Variants in FBXO30 observed in about 807,000 individuals in gnomAD.
FBXO30 encodes the protein F-box only protein 30.
Under a neutral mutation model 58.1 loss-of-function variants are expected in FBXO30, and 21 were observed. The ratio of observed to expected loss-of-function variants is 0.36; its 90% confidence interval spans 0.26 to 0.52. FBXO30 has a LOEUF of 0.52. FBXO30 is among the 20% of genes least tolerant of loss of function. The pLI is 0.93. For synonymous variants in FBXO30, 309 were observed against 312.4 expected, an observed-to-expected ratio of 0.99 and a Z score of 0.11; for missense variants, 744 against 897.3, an observed-to-expected ratio of 0.83 and a Z score of 2.18.
chr6:145,800,671 C>A (rs1364110458), intron 2 of FBXO30, among the ~76,000 whole-genome samples: 2 of 152,042 alleles, frequency 1.3e-5, no homozygotes, highest in East Asian at 3.9e-4. Flanking sequence ...TCATACTCTC[C>A]AATTGGCTAT....
At chr6:145,807,464 T>A (rs1310521358) in intron 1 of FBXO30, among the ~76,000 whole-genome samples, 1 of 152,150 alleles carries the variant, frequency 6.6e-6, no homozygotes, top group Non-Finnish European at 1.5e-5. Flanking sequence ...TATTGTTGGA[T>A]CACAGGGGAA....
At chr6:145,814,271 TACAAAG>T (rs1257193831) in intron 1 of FBXO30, among the ~76,000 whole-genome samples, 1 of 152,090 alleles carries the variant, frequency 6.6e-6, no homozygotes, top group Non-Finnish European at 1.5e-5. Context: ...CCCTTCCCAA[TACAAAG>T]ACACACAAAC....
At chr6:145,808,092 C>T (rs191273892) in intron 1 of FBXO30, among the ~76,000 whole-genome samples, 2 of 152,134 alleles carry the variant, frequency 1.3e-5, no homozygotes, top group East Asian at 3.9e-4. Flanking sequence ...TGACTGTGCA[C>T]CCCTGCATTC....
intron 2 of FBXO30, among the ~76,000 whole-genome samples, chr6:145,802,489 C>G (rs1342035444): frequency 1.2e-4 from 18 of 152,000 alleles, no homozygotes; most frequent in Admixed American, 7.2e-4. Flanking sequence ...GAAAAAACAT[C>G]AGGGAACTGT....
Position 145,805,693 on chromosome 6 carries a change from T to C in FBXO30, c.713A>G (p.His238Arg). 4 of 1,614,120 alleles carry C rather than the reference T, an allele frequency of 2.5e-6. No homozygotes were observed. Among genetic ancestry groups the C allele is most frequent in the Non-Finnish European group, 3.4e-6 (4 of 1,179,994 alleles). The change falls in exon 2 of 3, where the codon CAT becomes CGT. Residue 238 changes from histidine (H) to arginine (R), a missense_variant. Around this residue, in one of 3 missense-constraint regions of FBXO30, gnomAD observed 275 missense variants for 262.0 expected, o/e 1.05. Transcript: ENST00000237281. ...LEDQNLKDQD[H>R]LYEEEIGAVG... Reference sequence around the variant, plus strand: ...TGCTCCTATTTCCTCCTCATAAAGATGATCTTGGTCTTTCAAGTTTTGATC... The same window carrying C: ...TGCTCCTATTTCCTCCTCATAAAGACGATCTTGGTCTTTCAAGTTTTGATC...
In FBXO30 at chr6:145,800,223, G is replaced by A. The variant is rs192362035; in HGVS notation, c.2121C>T (p.Cys707=). Residue 707 remains cysteine (C), a synonymous_variant, in exon 3 of 3, where the codon TGC becomes TGT. Transcript: ENST00000237281. ...CCCGTTTCTCGACAACATTGTAACT[G>A]CATTTCTTCAAGTGGTCTGCCATGC... is the stretch of plus-strand genomic sequence containing the variant. ...ILSMADHLKK[C]SYNVVEKREE... The A allele has an allele frequency of 5.6e-6, 9 of 1,612,986 alleles. No individual in the cohort carries two copies. In the African/African-American group the frequency reaches 1.1e-4, roughly 19 times the overall value.
Position 145,805,703 on chromosome 6 carries a change from C to CTT in FBXO30, c.701_702dup (p.Asp235LysfsTer11). The CTT allele has an allele frequency of 6.2e-7, 1 of 1,614,020 alleles. No individual in the cohort carries two copies. Among genetic ancestry groups the CTT allele is most frequent in the Non-Finnish European group, 8.5e-7 (1 of 1,179,972 alleles). ...TCCTCCTCATAAAGATGATCTTGGT[C>CTT]TTTCAAGTTTTGATCCTCTAAGCTT... On this transcript the variant is annotated frameshift_variant, in exon 2 of 3. Coordinates refer to ENST00000237281, the MANE Select transcript of FBXO30 (RefSeq NM_032145.5). LOFTEE classifies it high-confidence loss of function.
intron 1 of FBXO30, among the ~76,000 whole-genome samples, chr6:145,811,776 T>C (rs1391498712): frequency 6.6e-6 from 1 of 152,224 alleles, no homozygotes; most frequent in East Asian, 1.9e-4. Flanking sequence ...AAGGCTGATA[T>C]AAAACTATAG....
rs1777819136 is a variant in FBXO30 at position 145,793,855 on chromosome 6, G to A, written c.*6251C>T. ...CTAGAACTTTAAGCTGAATAGATTT[G>A]TCATGTTACTAATGCTATAAATTAA... On this transcript the variant is annotated 3_prime_UTR_variant, in exon 3 of 3. Coordinates refer to ENST00000237281, the MANE Select transcript of FBXO30 (RefSeq NM_032145.5). 6.6e-6 allele frequency: 1 copy of A among 152,070 alleles called. No individual in the cohort carries two copies. The highest frequency in any genetic ancestry group is 1.5e-5 in the Non-Finnish European group (1 of 67,918). The allele number at this position is 152,070 out of a possible 1,614,324, so 9.4% of individuals were successfully genotyped here.
Position 145,804,662 on chromosome 6 carries a change from G to A in FBXO30, c.1744C>T (p.Arg582Cys), listed in dbSNP as rs368049489. Residue 582 changes from arginine (R) to cysteine (C), a missense_variant, in exon 2 of 3, where the codon CGC becomes TGC. By Grantham distance (180) the Arg-to-Cys change is radical. Around this residue, in one of 3 missense-constraint regions of FBXO30, gnomAD observed 334 missense variants for 433.7 expected, o/e 0.77. Coordinates refer to ENST00000237281, the MANE Select transcript of FBXO30 (RefSeq NM_032145.5). Reference protein sequence around the residue: ...SIQGAKIIHDRHLRSFGVQPC... With the variant: ...SIQGAKIIHDCHLRSFGVQPC... The stretch of plus-strand genomic sequence containing the variant: ...TGAACTCCAAATGACCTCAAATGGC[G>A]GTCATGTATAATCTTTGCTCCTTGT... 3.2e-5 allele frequency: 51 copies of A among 1,613,716 alleles called. No homozygotes were observed. The highest frequency in any genetic ancestry group is 3.3e-4 in the Middle Eastern group (2 of 6,080).
Position 145,805,504 on chromosome 6 carries a change from T to C in FBXO30, c.902A>G (p.Gln301Arg), listed in dbSNP as rs1209376216. ...TTGTTTTGAATCACCATGTAAATTC[T>C]GATTCTGGTCTATGACCTGGGTACA... ...NICTQVIDQN[Q>R]NLHGDSKQSN... is the part of the protein sequence containing the mutation. The change falls in exon 2 of 3, where the codon CAG becomes CGG. Residue 301 changes from glutamine to arginine, a missense_variant. Transcript: ENST00000237281. 5.6e-6 allele frequency: 9 copies of C among 1,605,458 alleles called. No individual in the cohort carries two copies. The East Asian group carries it at 1.3e-4, about 24-fold the overall frequency.
At chr6:145,810,658 C>T (rs1778308116) in intron 1 of FBXO30, among the ~76,000 whole-genome samples, 1 of 152,134 alleles carries the variant, frequency 6.6e-6, no homozygotes, top group Non-Finnish European at 1.5e-5. Flanking sequence ...TAAGACATGG[C>T]ATTTTCCCAT....
chr6:145,811,671 TAAAATAGG>T (rs751335445), intron 1 of FBXO30, among the ~76,000 whole-genome samples: 15 of 152,152 alleles, frequency 9.9e-5, no homozygotes, highest in Non-Finnish European at 1.5e-4. Context: ...AAAGTAAGTT[TAAAATAGG>T]AAGTGCTATC....
chr6:145,806,791 CCTTT>C (rs1268778042), intron 1 of FBXO30, among the ~76,000 whole-genome samples: 6 of 152,240 alleles, frequency 3.9e-5, no homozygotes, highest in South Asian at 2.1e-4. Flanking sequence ...TTCACTTTTA[CCTTT>C]CTAATTTCAA....
intron 1 of FBXO30, among the ~76,000 whole-genome samples, chr6:145,809,428 T>C (rs1429634320): frequency 6.6e-6 from 1 of 152,196 alleles, no homozygotes; most frequent in Non-Finnish European, 1.5e-5. Context: ...TCAGAAGTTT[T>C]AGGGACACTT....
chr6:145,808,578 TCCAAAA>T lies in FBXO30; in HGVS notation c.-16-2163_-16-2158del. Among the ~76,000 whole-genome samples, 6 of 152,300 alleles carry T rather than the reference TCCAAAA, an allele frequency of 3.9e-5. No homozygotes were observed. The South Asian group carries it at 1.2e-3, about 32-fold the overall frequency. On this transcript the variant is annotated intron_variant, in intron 1 of 2. Transcript: ENST00000237281. ...ATTCTCCCTGGGTGCTCTCATTTTC[TCCAAAA>T]GTTTCAATTACCATACATAAGCTGA...
chr6:145,796,537 T>C lies in FBXO30; in HGVS notation c.*3569A>G, dbSNP rs567501918. 118 of 152,152 alleles carry C rather than the reference T, an allele frequency of 7.8e-4. No individual in the cohort carries two copies. Among genetic ancestry groups the C allele is most frequent in the African/African-American group, 2.7e-3 (112 of 41,564 alleles). 9.4% of individuals were successfully genotyped at this position (152,152 alleles called of 1,614,324 possible). On this transcript the variant is annotated 3_prime_UTR_variant, in exon 3 of 3. Transcript: ENST00000237281. ...TTCCATCAAAAGTCTGTCCAGAGAATGAGGGCCAATTGCTTTCTCTCTACT... is the reference window on the plus strand; with the variant it reads ...TTCCATCAAAAGTCTGTCCAGAGAACGAGGGCCAATTGCTTTCTCTCTACT...
intron 1 of FBXO30, among the ~76,000 whole-genome samples, chr6:145,807,948 C>A (rs957269940): frequency 6.6e-6 from 1 of 151,798 alleles, no homozygotes; most frequent in Non-Finnish European, 1.5e-5. Flanking sequence ...GACAACATAG[C>A]AAGACCCTGT....
Position 145,799,941 on chromosome 6 carries a change from C to T in FBXO30, c.*165G>A. 1.9e-6 allele frequency: 1 copy of T among 523,868 alleles called. No individual in the cohort carries two copies. Among genetic ancestry groups the T allele is most frequent in the Non-Finnish European group, 3.2e-6 (1 of 315,680 alleles). 32.5% of individuals were successfully genotyped at this position (523,868 alleles called of 1,614,324 possible). A position where few individuals can be genotyped will look rare whatever the true frequency, so the allele number is the denominator to read the frequency against. On this transcript the variant is annotated 3_prime_UTR_variant, in exon 3 of 3. Transcript: ENST00000237281. ...ATTTCAAACATTAAGGCAACTTTTT[C>T]CAACTAAACAGTACTTTATAAAAAT...
Sources: allele counts gnomAD v4.1 joint callset (sites outside exome capture counted in the v4.1 genomes callset), GRCh38; gene constraint gnomAD v4.1.1; regional missense constraint gnomAD v4.1.1; transcripts MANE v1.5; gene names NCBI Gene and HGNC (gene_info 2026-07-23, HGNC 2026-07-21).